GRHL2: variants seen among roughly 807,000 people sequenced by gnomAD.
GRHL2 encodes grainyhead like transcription factor 2.
A neutral mutation model predicts 83.8 loss-of-function variants in GRHL2; 21 were observed. The observed-to-expected ratio is 0.25, with a 90% CI of 0.18 to 0.36. The LOEUF is 0.36. Among genes scored for constraint, GRHL2 ranks in the 10% least tolerant of loss-of-function variants. The pLI, the probability that GRHL2 is intolerant of heterozygous loss-of-function variation, is 1.00. For synonymous variants in GRHL2, 280 were observed against 278.9 expected (o/e 1.00, Z -0.04); for missense variants, 623 against 781.8 (o/e 0.80, Z 2.42).
chr8:101,514,783 G>A (rs1478731485), intron 1 of GRHL2, among the ~76,000 whole-genome samples: 1 of 152,164 alleles, frequency 6.6e-6, no homozygotes, highest in African/African-American at 2.4e-5. Context: ...GCAGACGAAT[G>A]TTAGGATGGG....
At chr8:101,497,917 T>G (rs964415692) in intron 1 of GRHL2, among the ~76,000 whole-genome samples, 4 of 152,196 alleles carry the variant, frequency 2.6e-5, no homozygotes, top group Middle Eastern at 3.2e-3. Flanking sequence ...TTGTTTGCTT[T>G]CATTGTTTTG....
chr8:101,672,600 G>A (rs559947010), downstream of GRHL2, among the ~76,000 whole-genome samples: 3 of 151,778 alleles, frequency 2.0e-5, no homozygotes, highest in Non-Finnish European at 2.9e-5. Flanking sequence ...AAAGTGATGG[G>A]GAGAATGGAA....
intron 1 of GRHL2, chr8:101,529,209 C>A (rs1204455552): frequency 3.9e-6 from 1 of 255,498 alleles, no homozygotes; most frequent in Non-Finnish European, 7.7e-6. Flanking sequence ...CCAAGGTGGG[C>A]GGATCATGAG....
chr8:101,645,029 T>C (rs1230071691), intron 13 of GRHL2, among the ~76,000 whole-genome samples: 1 of 151,994 alleles, frequency 6.6e-6, no homozygotes, highest in African/African-American at 2.4e-5. Flanking sequence ...TCTAATGTTT[T>C]ATAGAGACGA....
At chr8:101,517,467 C>T (rs887174010) in intron 1 of GRHL2, among the ~76,000 whole-genome samples, 2 of 152,200 alleles carry the variant, frequency 1.3e-5, no homozygotes, top group African/African-American at 4.8e-5. Flanking sequence ...AAGCAAGCCA[C>T]TAATGGCCAC....
intron 1 of GRHL2, among the ~76,000 whole-genome samples, chr8:101,534,565 C>G (rs191543927): frequency 4.0e-5 from 6 of 151,648 alleles, no homozygotes; most frequent in Non-Finnish European, 4.4e-5. Flanking sequence ...AGAGGACTCA[C>G]GAGGGTGTGA....
intron 4 of GRHL2, among the ~76,000 whole-genome samples, chr8:101,570,016 A>G (rs1011505531): frequency 1.3e-5 from 2 of 152,188 alleles, no homozygotes; most frequent in Non-Finnish European, 2.9e-5. Flanking sequence ...GACATTTGGA[A>G]TAAGTGTTGG....
intron 8 of GRHL2, among the ~76,000 whole-genome samples, chr8:101,612,314 CA>C (rs1404512597): frequency 6.6e-6 from 1 of 150,896 alleles, no homozygotes; most frequent in Admixed American, 6.6e-5. Context: ...TTAAAGCAAG[CA>C]GAGTCTGGAG....
At chr8:101,665,705 T>A (rs531935171) in intron 15 of GRHL2, among the ~76,000 whole-genome samples, 1 of 152,338 alleles carries the variant, frequency 6.6e-6, no homozygotes, top group East Asian at 1.9e-4. Flanking sequence ...ATAAAAACAA[T>A]CCGTTAAAGC....
chr8:101,587,610 A>T (rs1330191481), intron 7 of GRHL2, among the ~76,000 whole-genome samples: 1 of 152,156 alleles, frequency 6.6e-6, no homozygotes, highest in Non-Finnish European at 1.5e-5. Context: ...TGTGGAATTT[A>T]TACTTTTATT....
intron 8 of GRHL2, among the ~76,000 whole-genome samples, chr8:101,601,811 C>T (rs1812520146): frequency 6.6e-6 from 1 of 152,148 alleles, no homozygotes; most frequent in Admixed American, 6.5e-5. Context: ...TTTTATTTTA[C>T]TTTAAGTTCC....
At chr8:101,661,494 C>T (rs545329115) in intron 14 of GRHL2, among the ~76,000 whole-genome samples, 1 of 152,288 alleles carries the variant, frequency 6.6e-6, no homozygotes, top group African/African-American at 2.4e-5. Context: ...CACACATCCT[C>T]CCATGTACTT....
chr8:101,560,654 C>T (rs1302088002), intron 4 of GRHL2, among the ~76,000 whole-genome samples: 1 of 152,178 alleles, frequency 6.6e-6, no homozygotes. Flanking sequence ...GTTTTCCACA[C>T]CCTTGCCAAA....
At chr8:101,629,943 A>ATC (rs1398500809) in intron 9 of GRHL2, among the ~76,000 whole-genome samples, 1 of 152,108 alleles carries the variant, frequency 6.6e-6, no homozygotes, top group Admixed American at 6.6e-5. Context: ...AATTTCCATG[A>ATC]TCTGCAAGTG....
At chr8:101,674,858 C>T in the GRHL2 span, among the ~76,000 whole-genome samples, 1,320 of 152,162 alleles carry the variant, frequency 8.7e-3, 26 homozygotes, top group African/African-American at 0.029. Flanking sequence ...AGCTTATCCA[C>T]CATGATCAAG....
chr8:101,660,136 G>A (rs1162582686), intron 14 of GRHL2, among the ~76,000 whole-genome samples: 1 of 152,110 alleles, frequency 6.6e-6, no homozygotes, highest in Non-Finnish European at 1.5e-5. Flanking sequence ...CAATAGCAAA[G>A]CACTTAAGCA....
In GRHL2 at chr8:101,558,807, A is replaced by G. The variant is rs758685132; in HGVS notation, c.673A>G (p.Thr225Ala). Residue 225 changes from threonine (T) to alanine (A), a missense_variant, in exon 4 of 16, where the codon ACA (threonine) becomes GCA (alanine). Thr to Ala is a moderately conservative substitution (Grantham distance 58, BLOSUM62 0). Transcript: ENST00000646743. ...TYSESFKDAA[T>A]EKFRSASVGA... ...CAGCGAGAGCTTCAAGGACGCAGCC[A>G]CAGAGGTGAGTCCCAGGCTCCATCG... 9 of 1,613,918 alleles carry G rather than the reference A, an allele frequency of 5.6e-6. No homozygotes were observed. In the East Asian group the frequency reaches 1.6e-4, roughly 28 times the overall value.
At chr8:101,532,643 G>A (rs973475655) in intron 1 of GRHL2, among the ~76,000 whole-genome samples, 5 of 151,810 alleles carry the variant, frequency 3.3e-5, no homozygotes, top group African/African-American at 4.8e-5. Flanking sequence ...CCAGCTACTC[G>A]GCGGGGGGGC....
the GRHL2 span, among the ~76,000 whole-genome samples, chr8:101,679,706 A>G: frequency 0.24 from 36,829 of 150,796 alleles, 4,926 homozygotes; most frequent in African/African-American, 0.29. Context: ...AGGGAAGTCC[A>G]TCAGACTAAC....
Sources: allele counts gnomAD v4.1 joint callset (sites outside exome capture counted in the v4.1 genomes callset), GRCh38; gene constraint gnomAD v4.1.1; transcripts MANE v1.5; gene names NCBI Gene and HGNC (gene_info 2026-07-23, HGNC 2026-07-21).